Variants in OSBPL9 observed in about 807,000 individuals in gnomAD.
OSBPL9 encodes oxysterol-binding protein-related protein 9.
OSBPL9 carries 40 observed loss-of-function variants against 106.6 expected under a neutral mutation model. The ratio of observed to expected loss-of-function variants is 0.38; its 90% CI spans 0.29 to 0.49. The LOEUF is 0.49. OSBPL9 is among the 20% of genes least tolerant of loss of function. The pLI is 0.97. For synonymous variants in OSBPL9, 269 were observed against 295.4 expected, an observed-to-expected ratio of 0.91 and a Z score of 0.92; for missense variants, 609 against 887.2, an observed-to-expected ratio of 0.69 and a Z score of 3.98.
chr1:51,769,995 G>A (rs1404023290), intron 12 of OSBPL9, among the ~76,000 whole-genome samples: 2 of 152,058 alleles, frequency 1.3e-5, no homozygotes, highest in East Asian at 1.9e-4. Context: ...TTGAGACAGA[G>A]GGTCTCACTC....
upstream of OSBPL9, among the ~76,000 whole-genome samples, chr1:51,615,375 CT>C (rs1158398034): frequency 6.6e-6 from 1 of 152,218 alleles, no homozygotes; most frequent in Non-Finnish European, 1.5e-5. Flanking sequence ...TTTCTTGTTA[CT>C]TTGGATAAAG....
At chr1:51,582,764 G>A (rs1645228004) in intron 1 of OSBPL9, 1 of 151,916 alleles carries the variant, frequency 6.6e-6, no homozygotes, top group African/African-American at 2.4e-5. Context: ...CAATTGGCAG[G>A]TAAGATGACA....
At chr1:51,734,936 T>C (rs1349339262) in intron 4 of OSBPL9, among the ~76,000 whole-genome samples, 1 of 152,234 alleles carries the variant, frequency 6.6e-6, no homozygotes, top group Non-Finnish European at 1.5e-5. Context: ...AACAGAATAT[T>C]GTTCCTCAGT....
At chr1:51,662,742 A>ATTTT (rs139072045) in intron 2 of OSBPL9, among the ~76,000 whole-genome samples, 3 of 131,766 alleles carry the variant, frequency 2.3e-5, no homozygotes, top group African/African-American at 5.9e-5. Context: ...AAATCAACGA[A>ATTTT]TTTTTTTTTT....
chr1:51,518,992 C>A, the OSBPL9 span, among the ~76,000 whole-genome samples: 1 of 151,110 alleles, frequency 6.6e-6, no homozygotes, highest in Non-Finnish European at 1.5e-5. Flanking sequence ...CGACCCTGGG[C>A]GAGGTCGCGG....
chr1:51,773,672 C>T (rs1674420931), intron 14 of OSBPL9, among the ~76,000 whole-genome samples: 1 of 152,154 alleles, frequency 6.6e-6, no homozygotes, highest in Non-Finnish European at 1.5e-5. Context: ...AGGGCAAAAT[C>T]AATTCCAGTG....
Position 51,713,983 on chromosome 1 carries a change from T to C in OSBPL9, c.242-20T>C, listed in dbSNP as rs202024154. 21 of 1,569,190 alleles carry C rather than the reference T, an allele frequency of 1.3e-5. No individual in the cohort carries two copies. The Admixed American group carries it at 2.3e-4, about 17-fold the overall frequency. ...TATAGAATTAAACTTTTAATTTTAA[T>C]GTATAATCTTTTATTCCAGCCCGTG... On this transcript the variant is annotated intron_variant, in intron 3 of 23. Coordinates refer to ENST00000428468, the MANE Select transcript of OSBPL9 (RefSeq NM_024586.6).
chr1:51,727,752 C>T (rs897542509), intron 4 of OSBPL9, among the ~76,000 whole-genome samples: 2 of 151,986 alleles, frequency 1.3e-5, no homozygotes, highest in African/African-American at 2.4e-5. Context: ...GCCTGTAGTC[C>T]CAGCTATTTC....
intron 3 of OSBPL9, 138 bp from the exon 4 acceptor site, chr1:51,713,865 C>T (rs1476500893): frequency 1.7e-6 from 1 of 597,688 alleles, no homozygotes; most frequent in Non-Finnish European, 2.9e-6. Context: ...ATTAATAGAT[C>T]AAGCTGAACC....
chr1:51,617,065 T>C (rs746979096), upstream of OSBPL9: 2 of 1,268,332 alleles, frequency 1.6e-6, no homozygotes, highest in African/African-American at 1.5e-5. Context: ...GAATGCCATA[T>C]AGGCGAGTGA....
intron 3 of OSBPL9, among the ~76,000 whole-genome samples, chr1:51,684,210 T>C (rs1381815160): frequency 6.6e-6 from 1 of 152,152 alleles, no homozygotes; most frequent in Non-Finnish European, 1.5e-5. Context: ...GGTCTCACTA[T>C]GTTGCCTAGG....
intron 2 of OSBPL9, among the ~76,000 whole-genome samples, chr1:51,662,262 A>G (rs1224059795): frequency 2.0e-5 from 3 of 152,334 alleles, no homozygotes; most frequent in Non-Finnish European, 4.4e-5. Flanking sequence ...GTTAAAGAGT[A>G]TAAAGACTTG....
intron 3 of OSBPL9, among the ~76,000 whole-genome samples, chr1:51,695,684 A>C (rs1401151484): frequency 6.6e-6 from 1 of 152,164 alleles, no homozygotes; most frequent in Non-Finnish European, 1.5e-5. Context: ...TTCCATTCTC[A>C]TTGCTGCTTT....
chr1:51,784,386 C>T (rs1178019621), intron 19 of OSBPL9, 56 bp from the exon 20 acceptor site: 14 of 1,611,110 alleles, frequency 8.7e-6, no homozygotes, highest in Non-Finnish European at 1.2e-5. Context: ...GAGACATGCC[C>T]CTTCCCCCTC....
chr1:51,704,426 G>C (rs1260291569), intron 3 of OSBPL9, among the ~76,000 whole-genome samples: 2 of 152,130 alleles, frequency 1.3e-5, no homozygotes, highest in African/African-American at 4.8e-5. Context: ...GTTTATTTGC[G>C]TAGAGGTGTT....
intron 3 of OSBPL9, among the ~76,000 whole-genome samples, chr1:51,697,206 A>T (rs1000444734): frequency 6.7e-6 from 1 of 148,392 alleles, no homozygotes; most frequent in Non-Finnish European, 1.5e-5. Flanking sequence ...AAGCGTGAAG[A>T]TAATACCTCA....
chr1:51,551,388 C>T, the OSBPL9 span, among the ~76,000 whole-genome samples: 17 of 152,198 alleles, frequency 1.1e-4, no homozygotes, highest in East Asian at 1.7e-3. Flanking sequence ...TTTCTTCATC[C>T]GTTTCCTTTT....
At chr1:51,783,489 G>C (rs1676886689) in intron 17 of OSBPL9, among the ~76,000 whole-genome samples, 1 of 151,898 alleles carries the variant, frequency 6.6e-6, no homozygotes, top group African/African-American at 2.4e-5. Flanking sequence ...CCCAGCCTCT[G>C]TATATTTTAG....
At chr1:51,741,717 A>G (rs1666962326) in intron 4 of OSBPL9, among the ~76,000 whole-genome samples, 1 of 151,818 alleles carries the variant, frequency 6.6e-6, no homozygotes, top group African/African-American at 2.4e-5. Flanking sequence ...TTTTATGGTT[A>G]GATTGAAGTT....
Sources: gnomAD v4.1 joint callset for allele counts (sites outside exome capture counted in the v4.1 genomes callset) on GRCh38, gnomAD v4.1.1 for gene constraint, MANE v1.5 for transcripts, NCBI Gene and HGNC (gene_info 2026-07-23, HGNC 2026-07-21) for gene names.